DLC1: variants seen among roughly 807,000 people sequenced by gnomAD.
DLC1 encodes the protein DLC1 Rho GTPase activating protein, also known as rho GTPase-activating protein 7.
Under a neutral mutation model 140.3 loss-of-function variants are expected in DLC1, and 54 were observed. The observed-to-expected ratio is 0.38, with a 90% confidence interval of 0.31 to 0.48. DLC1 has a LOEUF of 0.48. Among genes scored for constraint, DLC1 ranks in the 20% least tolerant of loss-of-function variants. The pLI is 0.96. For missense variants in DLC1, 2,536 were observed against 1,907.0 expected, an observed-to-expected ratio of 1.33 and a Z score of -6.14; for synonymous variants, 986 against 728.1, an observed-to-expected ratio of 1.35 and a Z score of -5.70.
At chr8:13,559,424 G>T (rs868310395) in intron 1 of DLC1, 2 of 152,156 alleles carry the variant, frequency 1.3e-5, no homozygotes, top group African/African-American at 4.8e-5. Flanking sequence ...TAGCCTGTGA[G>T]CTCCATTTAT....
intron 1 of DLC1, among the ~76,000 whole-genome samples, chr8:13,586,711 A>C (rs900063): frequency 0.91 from 138,788 of 151,812 alleles, 63,609 homozygotes; most frequent in South Asian, 0.94. Context: ...CAACGTCTTT[A>C]AAAACTATGT....
chr8:13,297,605 G>A (rs1406102102), intron 5 of DLC1, among the ~76,000 whole-genome samples: 2 of 152,210 alleles, frequency 1.3e-5, no homozygotes, highest in South Asian at 2.1e-4. Context: ...ACAAAATTAT[G>A]TTTTTAAGGT....
chr8:13,543,822 T>C (rs979752127), intron 1 of DLC1, among the ~76,000 whole-genome samples: 1 of 152,022 alleles, frequency 6.6e-6, no homozygotes, highest in Non-Finnish European at 1.5e-5. Flanking sequence ...AGTGGTATAA[T>C]GGACTTTGGA....
intron 1 of DLC1, among the ~76,000 whole-genome samples, chr8:13,503,594 G>A (rs1319656590): frequency 6.6e-6 from 1 of 152,126 alleles, no homozygotes; most frequent in Non-Finnish European, 1.5e-5. Flanking sequence ...AATTACTACT[G>A]CTGATTCTAC....
intron 5 of DLC1, among the ~76,000 whole-genome samples, chr8:13,159,857 G>GAAAAA: frequency 8.3e-6 from 1 of 120,794 alleles, no homozygotes; most frequent in African/African-American, 3.2e-5. Flanking sequence ...AACCTGGTTT[G>GAAAAA]AAAAAAAAAA....
chr8:13,473,209 C>G (rs1396685269), intron 2 of DLC1, among the ~76,000 whole-genome samples: 1 of 152,060 alleles, frequency 6.6e-6, no homozygotes, highest in Non-Finnish European at 1.5e-5. Context: ...TCTTGAAGTC[C>G]TTCTTTAGTG....
intron 1 of DLC1, among the ~76,000 whole-genome samples, chr8:13,521,254 G>A (rs1802756095): frequency 6.6e-6 from 1 of 152,064 alleles, no homozygotes. Context: ...CCTGTTGGAG[G>A]GGCTTGGGGA....
At chr8:13,171,733 T>C (rs978032585) in intron 5 of DLC1, among the ~76,000 whole-genome samples, 1 of 152,160 alleles carries the variant, frequency 6.6e-6, no homozygotes, top group Non-Finnish European at 1.5e-5. Context: ...GAAAGTGGAC[T>C]TCTATGTACA....
chr8:13,153,918 TTAGC>T (rs1490685387), intron 5 of DLC1, among the ~76,000 whole-genome samples: 1 of 152,038 alleles, frequency 6.6e-6, no homozygotes, highest in Non-Finnish European at 1.5e-5. Flanking sequence ...CCCCACTAGA[TTAGC>T]TAGACAAGAG....
At chr8:13,109,981 T>C (rs867567829) in intron 7 of DLC1, among the ~76,000 whole-genome samples, 1 of 152,168 alleles carries the variant, frequency 6.6e-6, no homozygotes, top group Non-Finnish European at 1.5e-5. Flanking sequence ...TCAACCTATG[T>C]GAGTTTTGTC....
At chr8:13,279,340 C>A (rs184135268) in intron 5 of DLC1, among the ~76,000 whole-genome samples, 1 of 152,322 alleles carries the variant, frequency 6.6e-6, no homozygotes, top group East Asian at 1.9e-4. Context: ...CAATACTTAA[C>A]AGTTCTTCAG....
At position 13,088,573 on chromosome 8, in the gene DLC1, G is replaced by T. The variant is rs556430417; in HGVS notation, c.4206C>A (p.Ile1402=). 6.2e-7 allele frequency: 1 copy of T among 1,613,976 alleles called. No individual in the cohort carries two copies. The highest frequency in any genetic ancestry group is 1.3e-5 in the African/African-American group (1 of 74,896). The change falls in exon 16 of 18, where the codon ATC becomes ATA. Residue 1402 remains isoleucine (I), a synonymous_variant. Coordinates refer to ENST00000276297, the MANE Select transcript of DLC1 (RefSeq NM_182643.3). ...WDVDLLDSKV[I]EILDSQTEIY... ...TTTCAGTTTGGCTGTCCAGAATTTC[G>T]ATCACTTTTGAATCCAACAGGTCTA...
At chr8:13,448,423 G>A (rs1798892442) in intron 2 of DLC1, among the ~76,000 whole-genome samples, 1 of 151,158 alleles carries the variant, frequency 6.6e-6, no homozygotes, top group African/African-American at 2.4e-5. Context: ...GAGTGCAGTG[G>A]TGCAATCTTG....
Position 13,445,580 on chromosome 8 carries a change from T to A in DLC1, c.1024-43961A>T, listed in dbSNP as rs199862064. On this transcript the variant is annotated intron_variant, in intron 2 of 17. Coordinates refer to ENST00000276297, the MANE Select transcript of DLC1 (RefSeq NM_182643.3). The stretch of plus-strand genomic sequence containing the variant: ...GAATAATCAAAAAGAGCAGAGCACT[T>A]GGTCAATTCCAGAAAAGCCACAGTA... Among the ~76,000 whole-genome samples the A allele has an allele frequency of 2.0e-5, 3 of 152,166 alleles. No individual in the cohort carries two copies. In the East Asian group the frequency reaches 5.8e-4, roughly 29 times the overall value.
intron 4 of DLC1, among the ~76,000 whole-genome samples, chr8:13,377,741 T>C (rs1836065912): frequency 6.6e-6 from 1 of 152,112 alleles, no homozygotes; most frequent in African/African-American, 2.4e-5. Flanking sequence ...TTTTTAACAG[T>C]ACTTTAAAGG....
intron 4 of DLC1, among the ~76,000 whole-genome samples, chr8:13,359,048 C>T (rs1204314186): frequency 1.3e-5 from 2 of 152,188 alleles, no homozygotes; most frequent in Non-Finnish European, 2.9e-5. Flanking sequence ...ACGCCATTCT[C>T]CTGCCTCAGC....
Position 13,305,185 on chromosome 8 carries a change from A to G in DLC1, c.1348+84T>C, listed in dbSNP as rs569773233. ...TATATTCATGAGATGTATACATTTT[A>G]TATATTTAATAAAATGCCTATTTTA... On this transcript the variant is annotated intron_variant, in intron 5 of 17. Transcript: ENST00000276297. 5 of 1,546,298 alleles carry G rather than the reference A, an allele frequency of 3.2e-6. No homozygotes were observed. In the African/African-American group the frequency reaches 5.6e-5, roughly 17 times the overall value.
At chr8:13,166,849 G>GAGTTTAGAGGTGAGTTT in intron 5 of DLC1, among the ~76,000 whole-genome samples, 1 of 152,332 alleles carries the variant, frequency 6.6e-6, no homozygotes, top group Non-Finnish European at 1.5e-5. Flanking sequence ...GGTGGGGCCT[G>GAGTTTAGAGGTGAGTTT]AGAGGTGAGT....
chr8:13,175,576 C>T (rs1291473786), intron 5 of DLC1, among the ~76,000 whole-genome samples: 2 of 152,044 alleles, frequency 1.3e-5, no homozygotes, highest in Non-Finnish European at 2.9e-5. Context: ...AAAAATAACT[C>T]TATAGACTCA....
Sources: allele counts gnomAD v4.1 joint callset (sites outside exome capture counted in the v4.1 genomes callset), GRCh38; gene constraint gnomAD v4.1.1; transcripts MANE v1.5; gene names NCBI Gene and HGNC (gene_info 2026-07-23, HGNC 2026-07-21).